Variants in HERC2 observed in about 807,000 individuals in gnomAD.
HERC2 encodes the protein E3 ubiquitin-protein ligase HERC2.
In HERC2, 102 loss-of-function variants were observed where a neutral mutation model predicts 537.7. That is an observed-to-expected ratio of 0.19 (90% CI 0.16 to 0.22). HERC2 has a LOEUF of 0.22. Among genes scored for constraint, HERC2 ranks in the 10% least tolerant of loss-of-function variants. The pLI is 1.00. For synonymous variants in HERC2, 2,224 were observed against 2,466.2 expected (o/e 0.90, Z 2.91); for missense variants, 4,236 against 6,198.2 (o/e 0.68, Z 10.63).
chr15:28,184,687 C>G (rs1896134294), intron 56 of HERC2, among the ~76,000 whole-genome samples: 1 of 151,590 alleles, frequency 6.6e-6, no homozygotes, highest in Admixed American at 6.6e-5. Context: ...CGGTGAAAGC[C>G]CGTCTCTACT....
intron 2 of HERC2, among the ~76,000 whole-genome samples, chr15:28,304,756 T>C (rs1412290110): frequency 7.1e-6 from 1 of 141,538 alleles, no homozygotes; most frequent in Non-Finnish European, 1.5e-5. Context: ...CATGTGCACA[T>C]TGCGCAGGTT....
chr15:28,117,410 T>C (rs1398391344), intron 86 of HERC2: 1 of 694,162 alleles, frequency 1.4e-6, no homozygotes, highest in Admixed American at 2.0e-5. Context: ...CTAGTGTGTC[T>C]GAACAAACAC....
At chr15:28,194,022 A>G (rs1331792670) in intron 52 of HERC2, among the ~76,000 whole-genome samples, 1 of 151,826 alleles carries the variant, frequency 6.6e-6, no homozygotes, top group Non-Finnish European at 1.5e-5. Context: ...AATATTGACT[A>G]CATAAAATCA....
chr15:28,178,867 T>G lies in HERC2; in HGVS notation c.9163+20A>C, dbSNP rs1219022783. On this transcript the variant is annotated intron_variant, in intron 59 of 92. Transcript: ENST00000261609. The stretch of plus-strand genomic sequence containing the variant: ...GAGCAAAGGCCGCCCCGCACAGGCC[T>G]CCTGGTGCTTGGCTTGTACCTGAGT... 1 of 1,609,806 alleles carries G rather than the reference T, an allele frequency of 6.2e-7. No individual in the cohort carries two copies. Among genetic ancestry groups the G allele is most frequent in the East Asian group, 2.2e-5 (1 of 44,798 alleles).
intron 85 of HERC2, 136 bp from the exon 86 acceptor site, chr15:28,121,565 C>A: frequency 1.4e-6 from 1 of 735,284 alleles, no homozygotes; most frequent in Non-Finnish European, 2.4e-6. Context: ...TCCCTTTTCT[C>A]AAGTTGTGAG....
At chr15:28,188,891 C>T (rs988502330) in intron 55 of HERC2, among the ~76,000 whole-genome samples, 2 of 152,074 alleles carry the variant, frequency 1.3e-5, no homozygotes, top group Admixed American at 1.3e-4. Context: ...AGTTCGAGAC[C>T]AGCCTGGCCA....
At chr15:28,292,475 T>G (rs1463150651) in intron 4 of HERC2, among the ~76,000 whole-genome samples, 1 of 152,034 alleles carries the variant, frequency 6.6e-6, no homozygotes, top group Non-Finnish European at 1.5e-5. Context: ...TGCAAGAATA[T>G]AAAACAATGT....
At position 28,237,098 on chromosome 15, in the gene HERC2, C is replaced by T. The variant is rs760832426; in HGVS notation, c.3868G>A (p.Val1290Ile). The change falls in exon 26 of 93, where the codon GTC (valine) becomes ATC (isoleucine). Residue 1290 changes from valine (V) to isoleucine (I), a missense_variant. Around this residue, in one of 27 missense-constraint regions of HERC2, gnomAD observed 754 missense variants for 1,085.0 expected, o/e 0.69. Coordinates refer to ENST00000261609, the MANE Select transcript of HERC2 (RefSeq NM_004667.6). ...AGACTCCCCAGATCTGGTATGGTGACGATTTCTTGGTCAGGCTGGAAAAAT... is the reference window on the plus strand; with the variant it reads ...AGACTCCCCAGATCTGGTATGGTGATGATTTCTTGGTCAGGCTGGAAAAAT... Reference protein sequence around the residue: ...GQYLEPDQEIVTIPDLGSLSS... With the variant: ...GQYLEPDQEIITIPDLGSLSS... 10 of 1,564,436 alleles carry T rather than the reference C, an allele frequency of 6.4e-6. No individual in the cohort carries two copies. Among genetic ancestry groups the T allele is most frequent in the Admixed American group, 1.7e-5 (1 of 59,964 alleles).
Position 28,177,642 on chromosome 15 carries a change from AG to A in HERC2, c.9164-134del. 5 of 721,202 alleles carry A rather than the reference AG, an allele frequency of 6.9e-6. No homozygotes were observed. Among genetic ancestry groups the A allele is most frequent in the Non-Finnish European group, 1.2e-5 (5 of 417,412 alleles). The allele number at this position is 721,202 out of a possible 1,614,324, so 44.7% of individuals were successfully genotyped here. A position where few individuals can be genotyped will look rare whatever the true frequency, so the allele number is the denominator to read the frequency against. The stretch of plus-strand genomic sequence containing the variant: ...GAGCTGAATAAATGAGTAACTCAAC[AG>A]GATCAACAGCGGAGTTAGCAGGAAA... On this transcript the variant is annotated intron_variant, in intron 59 of 92. Transcript: ENST00000261609. The surrounding 1 kb of genome is among the most constrained non-coding windows in gnomAD (Gnocchi z 5.0).
chr15:28,272,682 A>G (rs946674374), intron 8 of HERC2, among the ~76,000 whole-genome samples: 2 of 147,374 alleles, frequency 1.4e-5, no homozygotes, highest in African/African-American at 4.9e-5. Flanking sequence ...AAACTGAAAG[A>G]AAAAAAAAAA....
chr15:28,320,435 T>C (rs991923927), intron 2 of HERC2: 2 of 152,084 alleles, frequency 1.3e-5, no homozygotes, highest in Non-Finnish European at 2.9e-5. Context: ...CTCTAAACAC[T>C]GGACTCTCAT....
chr15:28,286,768 C>T (rs1311342773), intron 4 of HERC2, among the ~76,000 whole-genome samples: 1 of 152,114 alleles, frequency 6.6e-6, no homozygotes, highest in African/African-American at 2.4e-5. Flanking sequence ...ATTACAACAC[C>T]CAATGGCCAG....
chr15:28,148,892 C>G (rs1892065394), intron 70 of HERC2, among the ~76,000 whole-genome samples: 1 of 151,232 alleles, frequency 6.6e-6, no homozygotes, highest in African/African-American at 2.4e-5. Context: ...AACGTATATT[C>G]TAGTAAAATT....
In HERC2 at chr15:28,237,100, A is replaced by C. The variant is rs4035907; in HGVS notation, c.3866T>G (p.Ile1289Ser). The C allele has an allele frequency of 1.9e-6, 3 of 1,564,160 alleles. No individual in the cohort carries two copies. In the East Asian group the frequency reaches 6.7e-5, roughly 35 times the overall value. The change falls in exon 26 of 93, where the codon ATC (isoleucine) becomes AGC (serine). Residue 1289 changes from isoleucine to serine, a missense_variant. This residue lies in a region of HERC2 where 754 missense variants were observed against 1,085.0 expected (regional missense o/e 0.69). Coordinates refer to ENST00000261609, the MANE Select transcript of HERC2 (RefSeq NM_004667.6). ...ACTCCCCAGATCTGGTATGGTGACG[A>C]TTTCTTGGTCAGGCTGGAAAAATAA... ...VGQYLEPDQEIVTIPDLGSLS... is the reference protein window; with the variant it reads ...VGQYLEPDQESVTIPDLGSLS...
Position 28,238,188 on chromosome 15 carries a change from C to T in HERC2, c.3778G>A (p.Ala1260Thr). The T allele has an allele frequency of 2.5e-6, 4 of 1,610,800 alleles. No homozygotes were observed. Among genetic ancestry groups the T allele is most frequent in the Non-Finnish European group, 3.4e-6 (4 of 1,178,746 alleles). ...TCAAACTGCAAAGCAGCTTCCAAAG[C>T]TACCACTGGGTCTTCCCCTGCAAAC... ...AQFAGEDPVV[A>T]LEAALQFEDT... The change falls in exon 25 of 93, where the codon GCT (alanine) becomes ACT (threonine). Residue 1260 changes from alanine to threonine, a missense_variant. Transcript: ENST00000261609.
intron 4 of HERC2, among the ~76,000 whole-genome samples, chr15:28,289,051 T>C (rs867642284): frequency 2.3e-4 from 35 of 151,750 alleles, no homozygotes; most frequent in Middle Eastern, 3.4e-3. Context: ...GCTCAGGCAG[T>C]GTAATACCAT....
At position 28,299,436 on chromosome 15, in the gene HERC2, T is replaced by C. The variant is rs759440215; in HGVS notation, c.153A>G (p.Glu51=). The change falls in exon 3 of 93, where the codon GAA becomes GAG. Residue 51 remains glutamate (E), a synonymous_variant. Coordinates refer to ENST00000261609, the MANE Select transcript of HERC2 (RefSeq NM_004667.6). ...GAGGGAGCTCTCCGTTCTGGGTTGA[T>C]TCTGTTCCAGTGTATACAATTTCTC... The part of the protein sequence containing the change: ...KDGEIVYTGT[E]STQNGELPPR... The C allele has an allele frequency of 1.4e-5, 23 of 1,596,724 alleles. No homozygotes were observed. The South Asian group carries it at 2.2e-4, about 15-fold the overall frequency.
intron 55 of HERC2, among the ~76,000 whole-genome samples, chr15:28,189,481 A>C (rs1896627541): frequency 6.6e-6 from 1 of 152,182 alleles, no homozygotes; most frequent in Non-Finnish European, 1.5e-5. Flanking sequence ...ACTCAAGATT[A>C]ATTTTTTCAG....
In HERC2 at chr15:28,305,409, G is replaced by A. The variant is rs12397537; in HGVS notation, c.73-5893C>T. 3.4e-5 allele frequency among the ~76,000 whole-genome samples: 5 copies of A among 147,366 alleles called. No homozygotes were observed. In the East Asian group the frequency reaches 9.8e-4, roughly 29 times the overall value. ...ACTATCTGATCTTTGACAAACCTGA[G>A]AAAAACAAGCAATGGGGAAAGGATT... On this transcript the variant is annotated intron_variant, in intron 2 of 92. Transcript: ENST00000261609.
Sources: allele counts gnomAD v4.1 joint callset (sites outside exome capture counted in the v4.1 genomes callset), GRCh38; gene constraint gnomAD v4.1.1; regional missense constraint gnomAD v4.1.1; non-coding constraint Gnocchi (gnomAD v3.1); transcripts MANE v1.5; gene names NCBI Gene and HGNC (gene_info 2026-07-23, HGNC 2026-07-21).